The following NTN4 variants were observed in gnomAD, a reference collection of about 807,000 sequenced individuals.
NTN4 encodes the protein netrin-4.
NTN4 carries 32 observed loss-of-function variants against 73.6 expected under a neutral mutation model. The observed-to-expected ratio is 0.44, with a 90% confidence interval of 0.33 to 0.58. The LOEUF (loss-of-function observed/expected upper bound fraction) is 0.58. NTN4 is among the 20% of genes least tolerant of loss of function. NTN4 has a pLI of 0.04. For synonymous variants in NTN4, 258 were observed against 287.5 expected (o/e 0.90, Z 1.04); for missense variants, 654 against 798.3 (o/e 0.82, Z 2.18).
In NTN4 at chr12:95,785,891, T is replaced by C. The variant is rs116486658; in HGVS notation, c.585+1048A>G. Reference sequence around the variant, plus strand: ...ACCTCGGTACATTGACATTTTGAGCTAGATAATTTTTGGTTGGGGATGGGG... The same window carrying C: ...ACCTCGGTACATTGACATTTTGAGCCAGATAATTTTTGGTTGGGGATGGGG... On this transcript the variant is annotated intron_variant, in intron 2 of 9. Transcript: ENST00000343702. Among the ~76,000 whole-genome samples the C allele has an allele frequency of 2.6e-3, 395 of 152,308 alleles. 3 individuals are homozygous for C. The highest frequency in any genetic ancestry group is 9.4e-3 in the African/African-American group (389 of 41,566).
intron 3 of NTN4, among the ~76,000 whole-genome samples, chr12:95,714,836 C>T (rs2078593739): frequency 6.6e-6 from 1 of 152,120 alleles, no homozygotes; most frequent in South Asian, 2.1e-4. Flanking sequence ...TATTTCAATG[C>T]ATCTAAAATA....
chr12:95,702,245 A>C (rs1351579291), intron 5 of NTN4, among the ~76,000 whole-genome samples: 1 of 150,198 alleles, frequency 6.7e-6, no homozygotes. Context: ...GCGCCATTGC[A>C]CTCCAGCCTG....
At position 95,668,908 on chromosome 12, in the gene NTN4, G is replaced by A. The variant is rs527829252; in HGVS notation, c.1579+1170C>T. 3.5e-3 allele frequency among the ~76,000 whole-genome samples: 527 copies of A among 152,264 alleles called. 1 individual carries two copies. The highest frequency in any genetic ancestry group is 6.4e-3 in the Non-Finnish European group (432 of 68,016). On this transcript the variant is annotated intron_variant, in intron 8 of 9. Transcript: ENST00000343702. ...TGGGAGGCCGAGGCAGGCGGATCACGAGGTCAGGAGTTCGAGACCAGCCTG... is the reference window on the plus strand; with the variant it reads ...TGGGAGGCCGAGGCAGGCGGATCACAAGGTCAGGAGTTCGAGACCAGCCTG...
intron 2 of NTN4, among the ~76,000 whole-genome samples, chr12:95,783,709 A>G (rs1336953437): frequency 6.6e-6 from 1 of 152,246 alleles, no homozygotes; most frequent in African/African-American, 2.4e-5. Context: ...AAATCATTTT[A>G]GCTCAAGCCT....
chr12:95,671,754 T>C (rs1195895131), intron 7 of NTN4, among the ~76,000 whole-genome samples: 2 of 152,204 alleles, frequency 1.3e-5, no homozygotes, highest in East Asian at 3.8e-4. Flanking sequence ...ACTGTGTCCC[T>C]TCAAGACAAT....
chr12:95,708,898 T>C (rs1409738112), intron 5 of NTN4, among the ~76,000 whole-genome samples: 3 of 152,202 alleles, frequency 2.0e-5, no homozygotes, highest in African/African-American at 7.2e-5. Context: ...AGTGAAGGCA[T>C]TGAATCTACA....
At chr12:95,739,236 G>A (rs984605794) in intron 2 of NTN4, among the ~76,000 whole-genome samples, 1 of 151,994 alleles carries the variant, frequency 6.6e-6, no homozygotes, top group Non-Finnish European at 1.5e-5. Flanking sequence ...TCCTTATGTC[G>A]GGTCTAAATT....
At position 95,790,277 on chromosome 12, in the gene NTN4, C is replaced by G; in HGVS notation, c.33G>C (p.Trp11Cys). The G allele has an allele frequency of 6.5e-7, 1 of 1,536,326 alleles. No homozygotes were observed. The highest frequency in any genetic ancestry group is 2.0e-5 in the Admixed American group (1 of 50,036). The change falls in exon 1 of 10, where the codon TGG (tryptophan) becomes TGC (cysteine). Residue 11 changes from tryptophan to cysteine, a missense_variant. By Grantham distance (215) the Trp-to-Cys change is radical. Transcript: ENST00000343702. The surrounding 1 kb of genome is among the most constrained non-coding windows in gnomAD (Gnocchi z 6.5). ...CACCTGCGGCCACCACCGTGCAGCC[C>G]CAGAGCAGCAGCAGCCGCGCGCAGC... MGSCARLLLL[W>C]GCTVVAAGLS...
At chr12:95,716,607 C>G (rs1193378055) in intron 3 of NTN4, among the ~76,000 whole-genome samples, 6 of 151,844 alleles carry the variant, frequency 4.0e-5, no homozygotes, top group Non-Finnish European at 5.9e-5. Context: ...GTTCTTTCTT[C>G]CCTTTTTCCT....
At chr12:95,705,901 T>G (rs183395046) in intron 5 of NTN4, among the ~76,000 whole-genome samples, 1 of 152,348 alleles carries the variant, frequency 6.6e-6, no homozygotes, top group Admixed American at 6.5e-5. Context: ...TGAGTAAGAA[T>G]GAGTTGAGTG....
rs193147289 is a variant in NTN4, at chr12:95,734,322, A to G, written c.864+3544T>C. On this transcript the variant is annotated intron_variant, in intron 3 of 9. Coordinates refer to ENST00000343702, the MANE Select transcript of NTN4 (RefSeq NM_021229.4). ...CAATGGTTTTCAAACTTTAGCAAGC[A>G]TTAGAACACCTGGAGGGGTTGTTAA... Among the ~76,000 whole-genome samples the G allele has an allele frequency of 3.3e-5, 5 of 152,292 alleles. No individual in the cohort carries two copies. In the East Asian group the frequency reaches 9.7e-4, roughly 29 times the overall value.
chr12:95,698,852 G>A (rs2078461285), intron 5 of NTN4, among the ~76,000 whole-genome samples: 1 of 122,418 alleles, frequency 8.2e-6, no homozygotes, highest in Non-Finnish European at 2.0e-5. Context: ...GTGAGACTCT[G>A]CCTCAAAAAA....
intron 2 of NTN4, among the ~76,000 whole-genome samples, chr12:95,752,505 G>A (rs144214386): frequency 0.025 from 3,735 of 148,798 alleles, 72 homozygotes; most frequent in South Asian, 0.081. Context: ...AGCTCAGCAA[G>A]TTACCTAGGC....
chr12:95,717,619 A>G (rs1441689497), intron 3 of NTN4, among the ~76,000 whole-genome samples: 2 of 151,422 alleles, frequency 1.3e-5, no homozygotes, highest in Non-Finnish European at 2.9e-5. Flanking sequence ...ATCATCCACT[A>G]TTTGATGCTC....
chr12:95,674,047 G>C (rs996604851), intron 7 of NTN4: 1 of 152,226 alleles, frequency 6.6e-6, no homozygotes, highest in African/African-American at 2.4e-5. Context: ...TACCCGTGGA[G>C]GGGAGCATTG....
chr12:95,678,160 G>T (rs1327050018), intron 7 of NTN4, among the ~76,000 whole-genome samples: 4 of 151,768 alleles, frequency 2.6e-5, no homozygotes, highest in Non-Finnish European at 2.9e-5. Context: ...CACAGGTAGG[G>T]GAACAACACA....
intron 4 of NTN4, 151 bp from the exon 5 acceptor site, chr12:95,710,780 G>A (rs2078559374): frequency 1.5e-6 from 1 of 650,862 alleles, no homozygotes; most frequent in Non-Finnish European, 2.5e-6. Flanking sequence ...GAGGCAGGTG[G>A]ATCACCTGAG....
Position 95,789,422 on chromosome 12 carries a change from T to C in NTN4, c.55+833A>G, listed in dbSNP as rs1459550935. Among the ~76,000 whole-genome samples the C allele has an allele frequency of 2.0e-5, 3 of 152,162 alleles. No homozygotes were observed. The highest frequency in any genetic ancestry group is 4.4e-5 in the Non-Finnish European group (3 of 68,020). ...CTCCCCCTCACCTACAGGGCTGCGC[T>C]TACGCCTAACTGGAAACCAGGTGAC... On this transcript the variant is annotated intron_variant, in intron 1 of 9. Transcript: ENST00000343702. The surrounding 1 kb of genome is among the most constrained non-coding windows in gnomAD (Gnocchi z 4.0).
chr12:95,735,903 ATTTTTATTTATTTATTTATTTATTTATT>A (rs1209846227), intron 3 of NTN4, among the ~76,000 whole-genome samples: 2 of 141,376 alleles, frequency 1.4e-5, no homozygotes, highest in Non-Finnish European at 3.0e-5. Flanking sequence ...TTTTTTTTAA[ATTTTTATTTATTTATTTATTTATTTATT>A]TATTTATTTA....
Sources: gnomAD v4.1 joint callset for allele counts (sites outside exome capture counted in the v4.1 genomes callset) on GRCh38, gnomAD v4.1.1 for gene constraint, Gnocchi (gnomAD v3.1) non-coding constraint, MANE v1.5 for transcripts, NCBI Gene and HGNC (gene_info 2026-07-23, HGNC 2026-07-21) for gene names.